Variants in ZMIZ1 observed in about 807,000 individuals in gnomAD.
ZMIZ1 encodes zinc finger MIZ-type containing 1.
In ZMIZ1, 17 loss-of-function variants were observed where a neutral mutation model predicts 113.9. The observed-to-expected ratio is 0.15, with a 90% confidence interval of 0.10 to 0.22. The LOEUF is 0.22. Ranked by LOEUF, ZMIZ1 falls within the 10% of genes least tolerant of loss-of-function variation. The pLI is 1.00. For synonymous variants in ZMIZ1, 607 were observed against 603.1 expected (o/e 1.01, Z -0.09); for missense variants, 1,059 against 1,477.8 (o/e 0.72, Z 4.65).
chr10:79,123,038 C>T (rs974290026), intron 2 of ZMIZ1, among the ~76,000 whole-genome samples: 11 of 152,344 alleles, frequency 7.2e-5, no homozygotes, highest in African/African-American at 1.9e-4. Flanking sequence ...GCCCAGTTCA[C>T]GTGGCTCGGC....
At chr10:79,106,636 C>T (rs1055930724) in intron 1 of ZMIZ1, among the ~76,000 whole-genome samples, 5 of 152,234 alleles carry the variant, frequency 3.3e-5, no homozygotes, top group African/African-American at 7.2e-5. Flanking sequence ...GGGACATCCC[C>T]CAACCACATT....
intron 6 of ZMIZ1, among the ~76,000 whole-genome samples, chr10:79,210,054 C>T (rs553384703): frequency 2.6e-5 from 4 of 152,340 alleles, no homozygotes; most frequent in East Asian, 1.9e-4. Flanking sequence ...CTTCTCCCTC[C>T]GCCCCCCCAG....
intron 8 of ZMIZ1, among the ~76,000 whole-genome samples, chr10:79,289,322 T>C (rs1212293682): frequency 6.6e-6 from 1 of 152,112 alleles, no homozygotes; most frequent in Non-Finnish European, 1.5e-5. Context: ...AGGGAAGGGC[T>C]GACACCCTCA....
At chr10:79,268,025 C>T (rs962605668) in intron 7 of ZMIZ1, among the ~76,000 whole-genome samples, 5 of 152,362 alleles carry the variant, frequency 3.3e-5, no homozygotes, top group African/African-American at 1.2e-4. Flanking sequence ...TCCCCGGTCC[C>T]AGGACCCTGT....
intron 1 of ZMIZ1, among the ~76,000 whole-genome samples, chr10:79,098,121 G>A (rs1843235855): frequency 6.6e-6 from 1 of 152,198 alleles, no homozygotes; most frequent in South Asian, 2.1e-4. Context: ...CCTACCTAAG[G>A]GTCAGGAGAA....
At position 79,112,285 on chromosome 10, in the gene ZMIZ1, C is replaced by T. The variant is rs1056666669; in HGVS notation, c.-336-6630C>T. Among the ~76,000 whole-genome samples the T allele has an allele frequency of 2.6e-5, 4 of 152,148 alleles. No individual in the cohort carries two copies. In the South Asian group the frequency reaches 8.3e-4, roughly 32 times the overall value. On this transcript the variant is annotated intron_variant, in intron 1 of 24. Coordinates refer to ENST00000334512, the MANE Select transcript of ZMIZ1 (RefSeq NM_020338.4). ...CTTGACAGCCTGCTCTGTGCCAGGTCGGACCCACGCTCTGCACGGGTCCTG... is the reference window on the plus strand; with the variant it reads ...CTTGACAGCCTGCTCTGTGCCAGGTTGGACCCACGCTCTGCACGGGTCCTG...
chr10:79,285,877 C>T (rs1853044394), intron 8 of ZMIZ1, among the ~76,000 whole-genome samples: 1 of 152,228 alleles, frequency 6.6e-6, no homozygotes, highest in Non-Finnish European at 1.5e-5. Context: ...GGATGAATGG[C>T]ATTTTCAAGG....
At chr10:79,203,593 C>T (rs1490216493) in intron 5 of ZMIZ1, among the ~76,000 whole-genome samples, 2 of 152,172 alleles carry the variant, frequency 1.3e-5, no homozygotes, top group Non-Finnish European at 2.9e-5. Context: ...GCAGGCACAC[C>T]ACTCCTGCCG....
chr10:79,093,135 A>ACAC (rs1843037700), intron 1 of ZMIZ1, among the ~76,000 whole-genome samples: 2 of 107,994 alleles, frequency 1.9e-5, no homozygotes, highest in African/African-American at 3.5e-5. Flanking sequence ...CCCCACCCCC[A>ACAC]ACACACACAC....
At chr10:79,190,832 G>T (rs1847569598) in intron 4 of ZMIZ1, among the ~76,000 whole-genome samples, 1 of 152,166 alleles carries the variant, frequency 6.6e-6, no homozygotes, top group Middle Eastern at 3.2e-3. Context: ...AAAGAACCTG[G>T]CTGTGACTCT....
chr10:79,305,726 C>G (rs948229600), intron 21 of ZMIZ1, 125 bp downstream of exon 21: 1 of 974,926 alleles, frequency 1.0e-6, no homozygotes, highest in Non-Finnish European at 1.6e-6. Flanking sequence ...TGACCCACAT[C>G]CCCCACCTCT....
intron 4 of ZMIZ1, among the ~76,000 whole-genome samples, chr10:79,164,639 T>A (rs1479796816): frequency 6.6e-6 from 1 of 152,240 alleles, no homozygotes; most frequent in Non-Finnish European, 1.5e-5. Context: ...GTGGCAACCA[T>A]GCTATCTCTT....
At chr10:79,110,714 C>T (rs1385348292) in intron 1 of ZMIZ1, among the ~76,000 whole-genome samples, 1 of 152,224 alleles carries the variant, frequency 6.6e-6, no homozygotes, top group Non-Finnish European at 1.5e-5. Context: ...GGCTCAGAGG[C>T]TCTGAAAGAA....
intron 21 of ZMIZ1, 91 bp from the exon 22 acceptor site, chr10:79,306,009 G>C: frequency 6.5e-7 from 1 of 1,540,502 alleles, no homozygotes; most frequent in East Asian, 2.3e-5. Context: ...GCCTCAACAA[G>C]GTCACCTGGG....
intron 3 of ZMIZ1, among the ~76,000 whole-genome samples, chr10:79,148,606 C>T (rs893274504): frequency 6.6e-6 from 1 of 152,048 alleles, no homozygotes; most frequent in Non-Finnish European, 1.5e-5. Context: ...CGCAGATCCG[C>T]CATCATGCCA....
chr10:79,288,358 G>C (rs1166483908), intron 8 of ZMIZ1, among the ~76,000 whole-genome samples: 1 of 152,200 alleles, frequency 6.6e-6, no homozygotes, highest in East Asian at 1.9e-4. Flanking sequence ...CTGGCTGCTA[G>C]GGTTGGACTG....
intron 1 of ZMIZ1, among the ~76,000 whole-genome samples, chr10:79,080,859 C>T (rs1269052678): frequency 6.6e-6 from 1 of 152,128 alleles, no homozygotes; most frequent in Non-Finnish European, 1.5e-5. Context: ...TGGCCTCCCT[C>T]CTAGCCAGCT....
chr10:79,102,721 C>G (rs563319118), intron 1 of ZMIZ1, among the ~76,000 whole-genome samples: 102 of 152,304 alleles, frequency 6.7e-4, no homozygotes, highest in African/African-American at 2.4e-3. Context: ...GCTTTGCTGC[C>G]GTAGGCTACC....
At chr10:79,293,332 T>G (rs1478616960) in intron 11 of ZMIZ1, 49 bp from the exon 12 acceptor site, 5 of 1,505,872 alleles carry the variant, frequency 3.3e-6, no homozygotes. Context: ...ATGTGGCATT[T>G]TATTCTTTTT....
Sources: gnomAD v4.1 joint callset for allele counts (sites outside exome capture counted in the v4.1 genomes callset) on GRCh38, gnomAD v4.1.1 for gene constraint, MANE v1.5 for transcripts, NCBI Gene and HGNC (gene_info 2026-07-23, HGNC 2026-07-21) for gene names.